SPTBN1: variants seen among roughly 807,000 people sequenced by gnomAD.
The protein encoded by SPTBN1 is spectrin beta, non-erythrocytic 1, also known as spectrin beta chain, non-erythrocytic 1.
A neutral mutation model predicts 266.4 loss-of-function variants in SPTBN1; 32 were observed. The observed-to-expected ratio is 0.12, with a 90% CI of 0.09 to 0.16. The LOEUF (loss-of-function observed/expected upper bound fraction) is 0.16. SPTBN1 is among the 10% of genes least tolerant of loss of function. The probability of loss-of-function intolerance (pLI) is 1.00; values close to 1 mark genes in which losing one functional copy is unlikely to be tolerated. For synonymous variants in SPTBN1, 1,336 were observed against 1,162.2 expected (o/e 1.15, Z -3.04); for missense variants, 2,296 against 3,067.1 (o/e 0.75, Z 5.94).
intron 2 of SPTBN1, among the ~76,000 whole-genome samples, chr2:54,568,361 A>G (rs1363518513): frequency 3.3e-5 from 5 of 151,066 alleles, no homozygotes; most frequent in Non-Finnish European, 7.4e-5. Flanking sequence ...AAAAAAAAAA[A>G]AAAAAAAAAA....
intron 1 of SPTBN1, among the ~76,000 whole-genome samples, chr2:54,483,270 G>A (rs1668190235): frequency 6.6e-6 from 1 of 152,144 alleles, no homozygotes; most frequent in Non-Finnish European, 1.5e-5. Flanking sequence ...CCCATTATGG[G>A]CCCCCATGTT....
intron 2 of SPTBN1, among the ~76,000 whole-genome samples, chr2:54,576,072 T>TTTA (rs1674447709): frequency 8.8e-6 from 1 of 113,358 alleles, no homozygotes; most frequent in Admixed American, 1.0e-4. Context: ...TTTTTTTTTT[T>TTTA]GAGAGACAGT....
chr2:54,578,412 G>A (rs772528686), intron 2 of SPTBN1, among the ~76,000 whole-genome samples: 61 of 152,170 alleles, frequency 4.0e-4, no homozygotes, highest in Non-Finnish European at 7.9e-4. Flanking sequence ...TTTGTTCTGT[G>A]ATGTCCCTGT....
intron 2 of SPTBN1, among the ~76,000 whole-genome samples, chr2:54,567,612 T>C (rs1217822841): frequency 1.3e-5 from 2 of 152,228 alleles, no homozygotes; most frequent in East Asian, 3.8e-4. Flanking sequence ...TGCAATTTGC[T>C]ACATTCATGT....
intron 2 of SPTBN1, among the ~76,000 whole-genome samples, chr2:54,537,840 G>A (rs1195227882): frequency 1.3e-5 from 2 of 152,148 alleles, no homozygotes; most frequent in African/African-American, 4.8e-5. Context: ...TCTGGTTCCA[G>A]TTGGAAATAT....
rs149492547 is a variant in SPTBN1 at position 54,649,661 on chromosome 2, T to C, written c.5249T>C (p.Ile1750Thr). The part of the protein sequence containing the change: ...FREFARDTGN[I>T]GQERVDTVNH... ...GAGTTTGCCCGAGACACCGGGAACA[T>C]TGGGCAGGAGCGCGTGGACACGGTC... The change falls in exon 26 of 36, where the codon ATT (isoleucine) becomes ACT (threonine). Residue 1750 changes from isoleucine (I) to threonine (T), a missense_variant. Ile to Thr is a moderately conservative substitution (Grantham distance 89). Transcript: ENST00000356805. The surrounding 1 kb of genome is among the most constrained non-coding windows in gnomAD (Gnocchi z 6.7). The C allele has an allele frequency of 1.3e-5, 21 of 1,612,480 alleles. No homozygotes were observed. The highest frequency in any genetic ancestry group is 2.7e-5 in the African/African-American group (2 of 74,864).
intron 1 of SPTBN1, among the ~76,000 whole-genome samples, chr2:54,512,020 G>T (rs1470486793): frequency 6.6e-6 from 1 of 152,136 alleles, no homozygotes; most frequent in Non-Finnish European, 1.5e-5. Context: ...CATAAGGAGC[G>T]CACAATCCTG....
At chr2:54,601,206 C>G (rs751375586) in intron 3 of SPTBN1, among the ~76,000 whole-genome samples, 3 of 152,054 alleles carry the variant, frequency 2.0e-5, no homozygotes, top group Non-Finnish European at 4.4e-5. Flanking sequence ...TTTGTAAAGC[C>G]CCTAGTGCCT....
chr2:54,628,253 A>G lies in SPTBN1; in HGVS notation c.1798+3A>G. Reference sequence around the variant, plus strand: ...GAAGTTCGCAACAGACGGGGAAGGTAAGGATGGCCCATTCCAAGCATTACC... The same window carrying G: ...GAAGTTCGCAACAGACGGGGAAGGTGAGGATGGCCCATTCCAAGCATTACC... On this transcript the variant is annotated splice_donor_region_variant and intron_variant, in intron 13 of 35. Transcript: ENST00000356805. The surrounding 1 kb of genome is among the most constrained non-coding windows in gnomAD (Gnocchi z 4.3). The G allele has an allele frequency of 6.2e-7, 1 of 1,610,826 alleles. No homozygotes were observed. Among genetic ancestry groups the G allele is most frequent in the Non-Finnish European group, 8.5e-7 (1 of 1,178,474 alleles).
chr2:54,623,654 C>A, intron 10 of SPTBN1, 58 bp downstream of exon 10: 1 of 1,376,740 alleles, frequency 7.3e-7, no homozygotes, highest in Non-Finnish European at 1.0e-6. Flanking sequence ...CAGGTTCTAT[C>A]ACTAGGTCTC....
At chr2:54,478,251 C>T (rs1432663842) in intron 1 of SPTBN1, among the ~76,000 whole-genome samples, 1 of 152,022 alleles carries the variant, frequency 6.6e-6, no homozygotes, top group Non-Finnish European at 1.5e-5. Flanking sequence ...TGAGAACGCT[C>T]GTGTTTCATG....
At chr2:54,609,707 G>C (rs1057228242) in intron 3 of SPTBN1, among the ~76,000 whole-genome samples, 2 of 152,074 alleles carry the variant, frequency 1.3e-5, no homozygotes, top group Non-Finnish European at 2.9e-5. Context: ...GGTTCTGGGT[G>C]GGGGCATTAT....
chr2:54,513,024 T>A (rs1156615511), intron 1 of SPTBN1, among the ~76,000 whole-genome samples: 1 of 152,120 alleles, frequency 6.6e-6, no homozygotes, highest in Non-Finnish European at 1.5e-5. Context: ...AAACCCTGGC[T>A]CTACAGAAGA....
chr2:54,504,615 T>A (rs1469244765), intron 1 of SPTBN1, among the ~76,000 whole-genome samples: 3 of 152,212 alleles, frequency 2.0e-5, no homozygotes, highest in Non-Finnish European at 4.4e-5. Context: ...TTAAAGTATT[T>A]GAGAGGATGT....
chr2:54,561,513 G>T (rs1400606125), intron 2 of SPTBN1, among the ~76,000 whole-genome samples: 3 of 152,008 alleles, frequency 2.0e-5, no homozygotes, highest in African/African-American at 7.2e-5. Flanking sequence ...TTCTGGAGTT[G>T]TTTCTGCATT....
intron 1 of SPTBN1, among the ~76,000 whole-genome samples, chr2:54,508,229 G>A (rs975238291): frequency 2.6e-5 from 4 of 152,178 alleles, no homozygotes; most frequent in Non-Finnish European, 4.4e-5. Context: ...TCTGACAGAA[G>A]GGAATAAATG....
At chr2:54,500,327 G>C (rs761329096) in intron 1 of SPTBN1, among the ~76,000 whole-genome samples, 3 of 152,144 alleles carry the variant, frequency 2.0e-5, no homozygotes, top group Non-Finnish European at 4.4e-5. Flanking sequence ...TGAAGACTCA[G>C]TGGGCCTCAG....
intron 1 of SPTBN1, among the ~76,000 whole-genome samples, chr2:54,522,678 G>A (rs1372735841): frequency 2.5e-5 from 2 of 78,640 alleles, no homozygotes; most frequent in African/African-American, 4.6e-5. Flanking sequence ...GAGAGAGAGA[G>A]GAGAGAGAGA....
chr2:54,649,008 T>G lies in SPTBN1; in HGVS notation c.5020T>G (p.Ser1674Ala), dbSNP rs765610874. 1 of 1,613,128 alleles carries G rather than the reference T, an allele frequency of 6.2e-7. No homozygotes were observed. Among genetic ancestry groups the G allele is most frequent in the East Asian group, 2.2e-5 (1 of 44,868 alleles). ...PESERISMRQ[S>A]KVDKLYAGLK... ...CAGTGAGCGCATTAGCATGCGGCAG[T>G]CCAAAGTGGATAAACTGTACGCTGG... is the stretch of plus-strand genomic sequence containing the variant. The change falls in exon 25 of 36, where the codon TCC (serine) becomes GCC (alanine). Residue 1674 changes from serine (S) to alanine (A), a missense_variant. Ser to Ala is a moderately conservative substitution (Grantham distance 99). Around this residue, in one of 12 missense-constraint regions of SPTBN1, gnomAD observed 644 missense variants for 745.3 expected, o/e 0.86. Coordinates refer to ENST00000356805, the MANE Select transcript of SPTBN1 (RefSeq NM_003128.3). This position sits in a 1 kb window ranked among gnomAD's most constrained non-coding sequence, Gnocchi z 6.7.
Sources: gnomAD v4.1 joint callset for allele counts (sites outside exome capture counted in the v4.1 genomes callset) on GRCh38, gnomAD v4.1.1 for gene constraint, gnomAD v4.1.1 regional missense constraint, Gnocchi (gnomAD v3.1) non-coding constraint, MANE v1.5 for transcripts, NCBI Gene and HGNC (gene_info 2026-07-23, HGNC 2026-07-21) for gene names.